AK7: variants seen among roughly 807,000 people sequenced by gnomAD.
AK7 encodes adenylate kinase 7.
AK7 carries 78 observed loss-of-function variants against 96.6 expected under a neutral mutation model. The ratio of observed to expected loss-of-function variants is 0.81; its 90% CI spans 0.67 to 0.97. AK7 has a LOEUF of 0.97. AK7 is among the 50% of genes least tolerant of loss of function. The pLI, the probability that AK7 is intolerant of heterozygous loss-of-function variation, is 0.00. For synonymous variants in AK7, 302 were observed against 317.2 expected, an observed-to-expected ratio of 0.95 and a Z score of 0.51; for missense variants, 855 against 887.9, an observed-to-expected ratio of 0.96 and a Z score of 0.47.
intron 14 of AK7, among the ~76,000 whole-genome samples, chr14:96,476,712 A>G (rs1895207546): frequency 6.6e-6 from 1 of 152,166 alleles, no homozygotes; most frequent in Non-Finnish European, 1.5e-5. Context: ...GAGAATGAAC[A>G]TTTTTTTAAA....
intron 5 of AK7, chr14:96,424,285 C>CG: frequency 2.4e-6 from 1 of 410,274 alleles, no homozygotes; most frequent in East Asian, 6.2e-5. Context: ...AGCGGCGACA[C>CG]GGGGGTCTCC....
At chr14:96,488,047 G>C (rs747527358) in intron 17 of AK7, 7 of 399,350 alleles carry the variant, frequency 1.8e-5, no homozygotes, top group South Asian at 1.5e-4. Context: ...CAAGTAGCTG[G>C]GATTACAGGC....
chr14:96,445,717 T>C (rs138108300), intron 7 of AK7, among the ~76,000 whole-genome samples: 301 of 152,228 alleles, frequency 2.0e-3, no homozygotes, highest in African/African-American at 7.0e-3. Context: ...GAATACAAAA[T>C]AAATGTGAAC....
chr14:96,447,507 A>G (rs1202707247), intron 8 of AK7, among the ~76,000 whole-genome samples: 5 of 151,932 alleles, frequency 3.3e-5, no homozygotes, highest in Non-Finnish European at 5.9e-5. Context: ...TTTTTTTGTC[A>G]AAATGAGGTC....
chr14:96,397,957 C>T (rs1258797316), intron 1 of AK7, 118 bp from the exon 2 acceptor site: 8 of 996,424 alleles, frequency 8.0e-6, no homozygotes, highest in African/African-American at 1.6e-5. Flanking sequence ...AAAGCATTTG[C>T]TTTGCCTTGG....
rs754539661 is a variant in AK7, at chr14:96,483,066, G to A, written c.1821G>A (p.Glu607=). The A allele has an allele frequency of 1.2e-6, 2 of 1,614,202 alleles. No homozygotes were observed. The highest frequency in any genetic ancestry group is 1.3e-5 in the African/African-American group (1 of 75,062). The part of the protein sequence containing the change: ...AIKQLIKEIG[E]PRNYGLTDEE... ...AACAGCTCATCAAAGAGATTGGGGA[G>A]CCTCGAAATTATGGTTTAACAGACG... Residue 607 remains glutamate (E), a synonymous_variant, in exon 16 of 18, where the codon GAG becomes GAA. Coordinates refer to ENST00000267584, the MANE Select transcript of AK7 (RefSeq NM_152327.5).
intron 16 of AK7, among the ~76,000 whole-genome samples, chr14:96,484,613 C>A (rs1421217931): frequency 6.6e-6 from 1 of 152,208 alleles, no homozygotes; most frequent in Non-Finnish European, 1.5e-5. Flanking sequence ...TCACAGACAC[C>A]TGGCATCTTT....
intron 4 of AK7, among the ~76,000 whole-genome samples, chr14:96,411,727 A>C (rs1891040471): frequency 6.6e-6 from 1 of 152,218 alleles, no homozygotes; most frequent in African/African-American, 2.4e-5. Context: ...CCGATTACGC[A>C]AAACAAACAA....
At chr14:96,475,695 G>A (rs552985134) in intron 14 of AK7, among the ~76,000 whole-genome samples, 1 of 152,296 alleles carries the variant, frequency 6.6e-6, no homozygotes, top group African/African-American at 2.4e-5. Flanking sequence ...AAACAGACCA[G>A]GTGTGGTGGC....
At chr14:96,400,391 G>C (rs930647307) in intron 2 of AK7, among the ~76,000 whole-genome samples, 7 of 152,134 alleles carry the variant, frequency 4.6e-5, no homozygotes, top group African/African-American at 1.7e-4. Context: ...TAAAGACCTT[G>C]CTATCTCTAT....
chr14:96,483,111 G>C lies in AK7; in HGVS notation c.1866G>C (p.Glu622Asp). ...CAGACGAAGAAAAGGCAGAAGAGGA[G>C]CGGAAGGCTGCGGAGGAGCGGCTGG... ...GLTDEEKAEE[E>D]RKAAEERLAR... The change falls in exon 16 of 18, where the codon GAG (glutamate) becomes GAC (aspartate). Residue 622 changes from glutamate to aspartate, a missense_variant. Coordinates refer to ENST00000267584, the MANE Select transcript of AK7 (RefSeq NM_152327.5). 1 of 1,614,188 alleles carries C rather than the reference G, an allele frequency of 6.2e-7. No individual in the cohort carries two copies. The highest frequency in any genetic ancestry group is 8.5e-7 in the Non-Finnish European group (1 of 1,180,042).
intron 10 of AK7, among the ~76,000 whole-genome samples, chr14:96,454,517 G>T (rs768921861): frequency 6.6e-6 from 1 of 151,476 alleles, no homozygotes; most frequent in Non-Finnish European, 1.5e-5. Flanking sequence ...TTGCTCTGTT[G>T]CCCAGGTTGG....
At chr14:96,460,551 C>T (rs1676294889) in intron 12 of AK7, among the ~76,000 whole-genome samples, 1 of 152,154 alleles carries the variant, frequency 6.6e-6, no homozygotes, top group South Asian at 2.1e-4. Flanking sequence ...TGAGAACTGC[C>T]CACTGCACCG....
At chr14:96,485,161 G>A (rs759553962) in intron 16 of AK7, among the ~76,000 whole-genome samples, 15 of 152,016 alleles carry the variant, frequency 9.9e-5, no homozygotes, top group Non-Finnish European at 2.1e-4. Flanking sequence ...AATTTTACTC[G>A]CACATGTCAG....
chr14:96,466,442 G>A (rs1275029037), intron 12 of AK7, among the ~76,000 whole-genome samples: 3 of 152,002 alleles, frequency 2.0e-5, no homozygotes, highest in African/African-American at 7.3e-5. Context: ...GTTTCACCAC[G>A]TTAGCCAGGA....
chr14:96,418,322 T>TAAGAAAAAAAAAAAAAAAAAAAAAAA (rs1891467262), intron 4 of AK7, among the ~76,000 whole-genome samples: 1 of 41,820 alleles, frequency 2.4e-5, no homozygotes, highest in Non-Finnish European at 4.5e-5. Flanking sequence ...AGACCTTGTC[T>TAAGAAAAAAAAAAAAAAAAAAAAAAA]AAAAAAAAAA....
Position 96,472,659 on chromosome 14 carries a change from C to T in AK7, c.1487-28C>T, listed in dbSNP as rs372176488. On this transcript the variant is annotated intron_variant, in intron 13 of 17. Coordinates refer to ENST00000267584, the MANE Select transcript of AK7 (RefSeq NM_152327.5). The stretch of plus-strand genomic sequence containing the variant: ...TCCATAGTAATAATATATTAATAAA[C>T]ACAATGAGGAATATTTTGTTTTCTT... The T allele has an allele frequency of 1.1e-5, 17 of 1,584,342 alleles. No individual in the cohort carries two copies. The African/African-American group carries it at 2.0e-4, about 19-fold the overall frequency.
chr14:96,478,492 A>T lies in AK7; in HGVS notation c.1583A>T (p.Asp528Val), dbSNP rs1895310317. Residue 528 changes from aspartate to valine, a missense_variant, in exon 15 of 18, where the codon GAT becomes GTT. Asp to Val is a radical substitution (Grantham distance 152). Transcript: ENST00000267584. Reference sequence around the variant, plus strand: ...TTCGTTTGTGCACTGGATGCTTCGGATGAGTTTCTGAAGGAGCGTGTGATA... The same window carrying T: ...TTCGTTTGTGCACTGGATGCTTCGGTTGAGTTTCTGAAGGAGCGTGTGATA... Reference protein sequence around the residue: ...PEFVCALDASDEFLKERVINL... With the variant: ...PEFVCALDASVEFLKERVINL... 1 of 1,614,008 alleles carries T rather than the reference A, an allele frequency of 6.2e-7. No individual in the cohort carries two copies. The highest frequency in any genetic ancestry group is 1.1e-5 in the South Asian group (1 of 91,084).
intron 15 of AK7, among the ~76,000 whole-genome samples, chr14:96,481,704 CTT>C (rs574599095): frequency 3.8e-4 from 50 of 132,950 alleles, no homozygotes; most frequent in Admixed American, 6.8e-4. Context: ...TGACTTTTAC[CTT>C]TTTTTTTTTT....
Sources: gnomAD v4.1 joint callset for allele counts (sites outside exome capture counted in the v4.1 genomes callset) on GRCh38, gnomAD v4.1.1 for gene constraint, MANE v1.5 for transcripts, NCBI Gene and HGNC (gene_info 2026-07-23, HGNC 2026-07-21) for gene names.